SUGCT: variants seen among roughly 807,000 people sequenced by gnomAD.
SUGCT encodes succinyl-CoA:glutarate CoA-transferase.
A neutral mutation model predicts 55.0 loss-of-function variants in SUGCT; 41 were observed. That is an observed-to-expected ratio of 0.74 (90% CI 0.58 to 0.97). The LOEUF (loss-of-function observed/expected upper bound fraction) is 0.97. Ranked by LOEUF, SUGCT falls within the 50% of genes least tolerant of loss-of-function variation. The pLI is 0.00. For synonymous variants in SUGCT, 187 were observed against 200.4 expected (o/e 0.93, Z 0.56); for missense variants, 568 against 547.8 (o/e 1.04, Z -0.37).
chr7:40,348,613 GTTTGAGTTAGGCATCT>G (rs1562702875), intron 9 of SUGCT, among the ~76,000 whole-genome samples: 1 of 152,128 alleles, frequency 6.6e-6, no homozygotes, highest in Non-Finnish European at 1.5e-5. Flanking sequence ...GTTTGGGTTA[GTTTGAGTTAGGCATCT>G]TTATTTTAGG....
chr7:40,973,536 T>C, the SUGCT span, among the ~76,000 whole-genome samples: 20 of 152,274 alleles, frequency 1.3e-4, no homozygotes, highest in Non-Finnish European at 2.9e-5. Context: ...GCTAATACTG[T>C]TAAAAGCACG....
chr7:40,499,014 A>G, intron 12 of SUGCT: 2 of 448,104 alleles, frequency 4.5e-6, no homozygotes, highest in Non-Finnish European at 8.9e-6. Context: ...TTTCCGTTTA[A>G]GGTATCCTCC....
chr7:40,248,890 A>T (rs370362032), intron 7 of SUGCT, among the ~76,000 whole-genome samples: 2 of 116,360 alleles, frequency 1.7e-5, no homozygotes, highest in Admixed American at 1.8e-4. Context: ...GCGCGCTCGC[A>T]CACACACACA....
chr7:40,867,190 T>C, the SUGCT span, among the ~76,000 whole-genome samples: 11 of 148,960 alleles, frequency 7.4e-5, no homozygotes, highest in African/African-American at 2.5e-5. Flanking sequence ...CCCATATATA[T>C]ATTTATGTCT....
chr7:40,552,446 C>G (rs933312626), intron 12 of SUGCT, among the ~76,000 whole-genome samples: 4 of 152,054 alleles, frequency 2.6e-5, no homozygotes, highest in Non-Finnish European at 5.9e-5. Context: ...TGCACCTGGG[C>G]TCACCCTACT....
At chr7:40,242,934 T>TATATATATATATATG (rs1491495282) in intron 7 of SUGCT, among the ~76,000 whole-genome samples, 2 of 18,040 alleles carry the variant, frequency 1.1e-4, no homozygotes, top group African/African-American at 3.8e-4. Context: ...TATATATATA[T>TATATATATATATATG]TTTTTTTTTT....
chr7:40,507,528 G>A (rs1380411253), intron 12 of SUGCT, among the ~76,000 whole-genome samples: 1 of 152,106 alleles, frequency 6.6e-6, no homozygotes, highest in Non-Finnish European at 1.5e-5. Flanking sequence ...ACATTCAGCC[G>A]GGGTCTGGTA....
the SUGCT span, among the ~76,000 whole-genome samples, chr7:40,916,353 G>C: frequency 3.9e-5 from 6 of 152,068 alleles, no homozygotes; most frequent in Non-Finnish European, 7.3e-5. Flanking sequence ...TTGAAGGATG[G>C]GTATGAATGG....
chr7:40,936,355 T>G, the SUGCT span, among the ~76,000 whole-genome samples: 1 of 151,794 alleles, frequency 6.6e-6, no homozygotes, highest in Non-Finnish European at 1.5e-5. Context: ...TTTATTCAGA[T>G]AGGTAATCAA....
chr7:40,436,767 C>T (rs1465930255), intron 9 of SUGCT, among the ~76,000 whole-genome samples: 3 of 152,114 alleles, frequency 2.0e-5, no homozygotes, highest in Non-Finnish European at 4.4e-5. Flanking sequence ...TCAATATGGT[C>T]CCTTGTCTAG....
chr7:40,497,197 G>C (rs899739660), intron 12 of SUGCT, among the ~76,000 whole-genome samples: 10 of 152,072 alleles, frequency 6.6e-5, no homozygotes, highest in Non-Finnish European at 1.5e-4. Flanking sequence ...TCAAAACCAT[G>C]GGGTATATTT....
chr7:40,516,145 G>A (rs150742571), intron 12 of SUGCT, among the ~76,000 whole-genome samples: 155 of 150,940 alleles, frequency 1.0e-3, no homozygotes, highest in African/African-American at 3.5e-3. Flanking sequence ...TATTATTGAC[G>A]CGTTGTCTGC....
intron 12 of SUGCT, among the ~76,000 whole-genome samples, chr7:40,664,090 T>A (rs908478905): frequency 1.4e-4 from 21 of 152,316 alleles, no homozygotes; most frequent in Non-Finnish European, 2.8e-4. Context: ...GAACAGATTC[T>A]TCTCTTAACG....
chr7:40,537,910 A>G (rs531392348), intron 12 of SUGCT, among the ~76,000 whole-genome samples: 2 of 152,334 alleles, frequency 1.3e-5, no homozygotes, highest in African/African-American at 2.4e-5. Flanking sequence ...TATGTTTTAT[A>G]TAATCATTGA....
chr7:40,634,324 C>T (rs547323302), intron 12 of SUGCT, among the ~76,000 whole-genome samples: 1 of 152,248 alleles, frequency 6.6e-6, no homozygotes, highest in Admixed American at 6.5e-5. Flanking sequence ...CTAAATGCAA[C>T]CCACCGCGGT....
chr7:40,168,941 C>T (rs905610703), intron 1 of SUGCT, among the ~76,000 whole-genome samples: 1 of 151,984 alleles, frequency 6.6e-6, no homozygotes, highest in Admixed American at 6.6e-5. Flanking sequence ...TTCTATTTCC[C>T]TTTTCTTTCC....
chr7:40,535,890 G>GT (rs1794335727), intron 12 of SUGCT, among the ~76,000 whole-genome samples: 1 of 152,096 alleles, frequency 6.6e-6, no homozygotes, highest in Non-Finnish European at 1.5e-5. Flanking sequence ...TCTCATTGTG[G>GT]TTTTGATTTG....
chr7:40,345,940 CTTGT>C (rs1031590172), intron 9 of SUGCT, among the ~76,000 whole-genome samples: 10 of 150,590 alleles, frequency 6.6e-5, no homozygotes, highest in African/African-American at 2.0e-4. Flanking sequence ...CTATATTGTT[CTTGT>C]TTGTTTTTGT....
At chr7:40,386,335 T>A (rs1190339275) in intron 9 of SUGCT, among the ~76,000 whole-genome samples, 2 of 152,186 alleles carry the variant, frequency 1.3e-5, no homozygotes, top group Non-Finnish European at 2.9e-5. Flanking sequence ...CCAACACTGA[T>A]CCCTCATCCC....
Sources: allele counts gnomAD v4.1 joint callset (sites outside exome capture counted in the v4.1 genomes callset), GRCh38; gene constraint gnomAD v4.1.1; transcripts MANE v1.5; gene names NCBI Gene and HGNC (gene_info 2026-07-23, HGNC 2026-07-21).